The following RNF216 variants were observed in gnomAD, a reference collection of about 807,000 sequenced individuals.
RNF216 encodes the protein ring finger protein 216.
In RNF216, 72 loss-of-function variants were observed where a neutral mutation model predicts 110.8. That is an observed-to-expected ratio of 0.65 (90% CI 0.54 to 0.79). The LOEUF is 0.79. Among genes scored for constraint, RNF216 ranks in the 30% least tolerant of loss-of-function variants. The probability of loss-of-function intolerance (pLI) is 0.00; values close to 1 mark genes in which losing one functional copy is unlikely to be tolerated. For synonymous variants in RNF216, 495 were observed against 407.5 expected (o/e 1.21, Z -2.59); for missense variants, 1,342 against 1,141.2 (o/e 1.18, Z -2.54).
intron 1 of RNF216, among the ~76,000 whole-genome samples, chr7:5,779,676 A>G (rs1031307033): frequency 2.0e-5 from 3 of 150,344 alleles, no homozygotes; most frequent in African/African-American, 7.3e-5. Context: ...AAAAAAAAAA[A>G]AAGTTAGCCG....
chr7:5,651,710 G>GCAAT (rs1478823762), intron 14 of RNF216, among the ~76,000 whole-genome samples: 1 of 151,628 alleles, frequency 6.6e-6, no homozygotes, highest in Non-Finnish European at 1.5e-5. Flanking sequence ...GTGCACTGGC[G>GCAAT]CAATCTTGGC....
chr7:5,652,610 G>C (rs1009613166), intron 13 of RNF216, 100 bp from the exon 14 acceptor site: 3 of 778,094 alleles, frequency 3.9e-6, no homozygotes, highest in Non-Finnish European at 6.7e-6. Context: ...TACTTGGCTT[G>C]AATTCTTTCA....
At chr7:5,697,099 C>T (rs973380321) in intron 13 of RNF216, among the ~76,000 whole-genome samples, 1 of 152,242 alleles carries the variant, frequency 6.6e-6, no homozygotes, top group Non-Finnish European at 1.5e-5. Context: ...GTCCTGCTTC[C>T]TTCTGCTCTG....
At chr7:5,653,408 C>CT (rs1788518547) in intron 13 of RNF216, among the ~76,000 whole-genome samples, 1 of 151,710 alleles carries the variant, frequency 6.6e-6, no homozygotes, top group South Asian at 2.1e-4. Context: ...ACCATCCTGG[C>CT]TAACACGGTG....
intron 3 of RNF216, among the ~76,000 whole-genome samples, chr7:5,745,217 G>A (rs1236625967): frequency 6.6e-6 from 1 of 152,052 alleles, no homozygotes; most frequent in Non-Finnish European, 1.5e-5. Flanking sequence ...CAACTAAGAG[G>A]TCAAGGAAGA....
At chr7:5,677,084 C>T (rs142510689) in intron 13 of RNF216, among the ~76,000 whole-genome samples, 9 of 152,334 alleles carry the variant, frequency 5.9e-5, no homozygotes, top group African/African-American at 1.9e-4. Flanking sequence ...ACATACATCT[C>T]CCTTGTTTTT....
At chr7:5,703,859 C>G (rs1792121862) in intron 13 of RNF216, among the ~76,000 whole-genome samples, 1 of 152,182 alleles carries the variant, frequency 6.6e-6, no homozygotes, top group Admixed American at 6.5e-5. Context: ...TTACACAGCT[C>G]TGAGTTTATA....
At chr7:5,751,197 A>C (rs762821807) in intron 3 of RNF216, among the ~76,000 whole-genome samples, 1 of 152,200 alleles carries the variant, frequency 6.6e-6, no homozygotes, top group African/African-American at 2.4e-5. Context: ...ACAACAACAA[A>C]AAAAAGTGTG....
chr7:5,644,350 C>G (rs1299798307), intron 14 of RNF216, among the ~76,000 whole-genome samples: 1 of 152,112 alleles, frequency 6.6e-6, no homozygotes, highest in Non-Finnish European at 1.5e-5. Context: ...TTGTTATTTT[C>G]CATCGCTTTC....
chr7:5,682,980 T>C (rs921962622), intron 13 of RNF216, among the ~76,000 whole-genome samples: 1 of 152,056 alleles, frequency 6.6e-6, no homozygotes, highest in Non-Finnish European at 1.5e-5. Context: ...CCAACATAAA[T>C]CTGTGTGATG....
intron 13 of RNF216, among the ~76,000 whole-genome samples, chr7:5,685,606 A>G (rs906447740): frequency 6.6e-6 from 1 of 152,220 alleles, no homozygotes; most frequent in Non-Finnish European, 1.5e-5. Context: ...GTGAGCTAAA[A>G]GTGAGAGGGG....
chr7:5,644,631 A>C (rs952368943), intron 14 of RNF216, among the ~76,000 whole-genome samples: 1 of 150,818 alleles, frequency 6.6e-6, no homozygotes, highest in Admixed American at 6.6e-5. Context: ...CAGCCTCCTG[A>C]GTAGCTGGAA....
At chr7:5,702,975 C>A (rs908497795) in intron 13 of RNF216, among the ~76,000 whole-genome samples, 2 of 152,086 alleles carry the variant, frequency 1.3e-5, no homozygotes, top group African/African-American at 4.8e-5. Context: ...TGCCAGGCAC[C>A]CTACATGATA....
intron 1 of RNF216, among the ~76,000 whole-genome samples, chr7:5,773,375 T>C (rs1796604019): frequency 6.7e-6 from 1 of 149,356 alleles, no homozygotes; most frequent in Admixed American, 6.7e-5. Context: ...CCAGAATAGC[T>C]GGGATTAAGG....
At chr7:5,678,764 G>A (rs1180171332) in intron 13 of RNF216, among the ~76,000 whole-genome samples, 1 of 152,234 alleles carries the variant, frequency 6.6e-6, no homozygotes, top group East Asian at 1.9e-4. Context: ...AAGCTGCAGA[G>A]GCTGCTCCTC....
In RNF216 at chr7:5,712,711, G is replaced by A. The variant is rs1369316909; in HGVS notation, c.1982+4C>T. On this transcript the variant is annotated splice_donor_region_variant and intron_variant, in intron 12 of 16. Coordinates refer to ENST00000389902, the MANE Select transcript of RNF216 (RefSeq NM_207111.4). The stretch of plus-strand genomic sequence containing the variant: ...CAGATGGCACGCTCTGCCTGAGAAC[G>A]AACCTGACAAGCTCGTCGGCGTAGG... 4.3e-6 allele frequency: 7 copies of A among 1,613,860 alleles called. No individual in the cohort carries two copies. Among genetic ancestry groups the A allele is most frequent in the South Asian group, 1.1e-5 (1 of 91,040 alleles).
At chr7:5,724,443 G>C (rs1584516345) in intron 8 of RNF216, among the ~76,000 whole-genome samples, 1 of 152,214 alleles carries the variant, frequency 6.6e-6, no homozygotes, top group African/African-American at 2.4e-5. Context: ...GTATGGCTAT[G>C]TACAAGGATG....
intron 11 of RNF216, 129 bp from the exon 12 acceptor site, chr7:5,712,992 G>T: frequency 1.2e-6 from 1 of 836,358 alleles, no homozygotes. Context: ...TCATCTCTGA[G>T]AAATCACACT....
intron 13 of RNF216, among the ~76,000 whole-genome samples, chr7:5,664,021 G>A (rs753196591): frequency 2.0e-5 from 3 of 152,140 alleles, no homozygotes; most frequent in Non-Finnish European, 2.9e-5. Flanking sequence ...GGAGGGGCTC[G>A]TAATCAACCA....
Sources: gnomAD v4.1 joint callset for allele counts (sites outside exome capture counted in the v4.1 genomes callset) on GRCh38, gnomAD v4.1.1 for gene constraint, MANE v1.5 for transcripts, NCBI Gene and HGNC (gene_info 2026-07-23, HGNC 2026-07-21) for gene names.